Variants in GC observed in about 807,000 individuals in gnomAD.
The protein encoded by GC is GC vitamin D binding protein.
In GC, 43 loss-of-function variants were observed where a neutral mutation model predicts 56.7. The ratio of observed to expected loss-of-function variants is 0.76; its 90% confidence interval spans 0.59 to 0.98. GC has a LOEUF of 0.98. Ranked by LOEUF, GC falls within the 50% of genes least tolerant of loss-of-function variation. GC has a pLI of 0.00. For missense variants in GC, 529 were observed against 545.9 expected (o/e 0.97, Z 0.31); for synonymous variants, 216 against 202.7 (o/e 1.07, Z -0.56).
At chr4:71,750,905 A>C (rs1464383127) in intron 11 of GC, among the ~76,000 whole-genome samples, 6 of 152,198 alleles carry the variant, frequency 3.9e-5, no homozygotes, top group African/African-American at 1.2e-4. Flanking sequence ...ACAAACAAAA[A>C]AAAAACGGGT....
rs747885267 is a variant in GC, at chr4:71,756,791, G to C, written c.955C>G (p.Gln319Glu). The C allele has an allele frequency of 3.7e-6, 6 of 1,613,602 alleles. No individual in the cohort carries two copies. In the African/African-American group the frequency reaches 6.7e-5, roughly 18 times the overall value. ...TCTACATCTGGAAGCTCGGGGAGTT[G>C]GGCAGCTGGCATGAAGTAAGTGCAC... ...FVCTYFMPAAQLPELPDVELP... is the reference protein window; with the variant it reads ...FVCTYFMPAAELPELPDVELP... Residue 319 changes from glutamine to glutamate, a missense_variant, in exon 8 of 13, where the codon CAA becomes GAA. Transcript: ENST00000273951.
At chr4:71,769,190 G>T in intron 2 of GC, 141 bp downstream of exon 2, 1 of 610,920 alleles carries the variant, frequency 1.6e-6, no homozygotes, top group Non-Finnish European at 2.9e-6. Context: ...TGACTCCTGT[G>T]CCTACCTTGG....
At chr4:71,783,502 A>C (rs1384322445) in intron 1 of GC, among the ~76,000 whole-genome samples, 1 of 151,790 alleles carries the variant, frequency 6.6e-6, no homozygotes, top group African/African-American at 2.4e-5. Context: ...CATGTATAAG[A>C]TTCCTCTAAG....
chr4:71,802,686 G>A (rs372617251), intron 1 of GC, among the ~76,000 whole-genome samples: 196 of 152,280 alleles, frequency 1.3e-3, no homozygotes, highest in African/African-American at 4.4e-3. Flanking sequence ...ATATCTGAGA[G>A]TTTAATTTGT....
intron 1 of GC, among the ~76,000 whole-genome samples, chr4:71,770,386 T>C (rs1488075600): frequency 6.6e-6 from 1 of 152,012 alleles, no homozygotes; most frequent in African/African-American, 2.4e-5. Context: ...TGTGTGGAGG[T>C]AGACAATTTG....
At chr4:71,801,563 T>C (rs1288576788) in intron 1 of GC, among the ~76,000 whole-genome samples, 1 of 152,104 alleles carries the variant, frequency 6.6e-6, no homozygotes, top group Non-Finnish European at 1.5e-5. Flanking sequence ...CACAGAAATC[T>C]CAAACTTATA....
chr4:71,754,022 T>A (rs1333198500), intron 10 of GC, among the ~76,000 whole-genome samples: 2 of 152,224 alleles, frequency 1.3e-5, no homozygotes, highest in African/African-American at 2.4e-5. Context: ...CAGAAAAACT[T>A]AGCTTCTTCT....
chr4:71,752,440 G>A, intron 11 of GC, 78 bp downstream of exon 11: 1 of 1,180,864 alleles, frequency 8.5e-7, no homozygotes, highest in South Asian at 1.4e-5. Context: ...CTCAATAACA[G>A]GAAAGAAATG....
intron 1 of GC, among the ~76,000 whole-genome samples, chr4:71,794,756 T>C (rs1438490335): frequency 1.3e-5 from 2 of 152,214 alleles, no homozygotes; most frequent in African/African-American, 2.4e-5. Flanking sequence ...TATTAGGGTG[T>C]TGATTTTTTA....
Position 71,767,869 on chromosome 4 carries a change from C to A in GC, c.261+432G>T, listed in dbSNP as rs184559625. 6.6e-3 allele frequency among the ~76,000 whole-genome samples: 1,003 copies of A among 152,014 alleles called. 16 individuals carry two copies. Among genetic ancestry groups the A allele is most frequent in the African/African-American group, 0.023 (961 of 41,486 alleles). ...TTATATCCTTCTTATGCCTTTAAAT[C>A]CTCATAGCTTAGCTCCCACTTATAA... On this transcript the variant is annotated intron_variant, in intron 3 of 12. Transcript: ENST00000273951.
intron 1 of GC, among the ~76,000 whole-genome samples, chr4:71,799,496 G>A (rs564894798): frequency 6.6e-6 from 1 of 152,274 alleles, no homozygotes; most frequent in South Asian, 2.1e-4. Flanking sequence ...GCATGACACT[G>A]CTGAGATTAT....
chr4:71,772,518 G>A (rs746074629), intron 1 of GC, among the ~76,000 whole-genome samples: 3 of 152,160 alleles, frequency 2.0e-5, no homozygotes, highest in Non-Finnish European at 4.4e-5. Context: ...TGAAGGTAGT[G>A]TAACTGGGCA....
chr4:71,753,480 G>C (rs1281910966), intron 10 of GC, among the ~76,000 whole-genome samples: 4 of 138,714 alleles, frequency 2.9e-5, no homozygotes, highest in African/African-American at 1.2e-4. Flanking sequence ...AGACTCAAAG[G>C]AGGCAAAAAA....
intron 6 of GC, among the ~76,000 whole-genome samples, chr4:71,760,210 ATT>A (rs371580776): frequency 2.1e-5 from 3 of 140,632 alleles, no homozygotes; most frequent in African/African-American, 2.6e-5. Flanking sequence ...TGCCTGGCTA[ATT>A]TTTTTTTTTT....
chr4:71,746,418 G>T (rs1047942752), intron 11 of GC, among the ~76,000 whole-genome samples: 13 of 151,670 alleles, frequency 8.6e-5, no homozygotes, highest in Non-Finnish European at 1.8e-4. Flanking sequence ...AGTCTGCTGG[G>T]AAAAGTAGAC....
intron 3 of GC, among the ~76,000 whole-genome samples, chr4:71,767,950 G>A (rs1413227816): frequency 2.6e-5 from 4 of 152,010 alleles, no homozygotes; most frequent in Non-Finnish European, 5.9e-5. Context: ...TTAGAATAAT[G>A]ATCCATGGGC....
At position 71,752,586 on chromosome 4, in the gene GC, T is replaced by C. The variant is rs1203617672; in HGVS notation, c.1327A>G (p.Asn443Asp). The C allele has an allele frequency of 2.5e-6, 4 of 1,613,258 alleles. No individual in the cohort carries two copies. Among genetic ancestry groups the C allele is most frequent in the Non-Finnish European group, 2.5e-6 (3 of 1,179,312 alleles). ...ATPTELAKLV[N>D]KHSDFASNCC... The stretch of plus-strand genomic sequence containing the variant: ...TTGGAGGCAAAGTCTGAGTGCTTGT[T>C]AACCAGCTTTGCCAGTTCCGTGGGT... Residue 443 changes from asparagine (N) to aspartate (D), a missense_variant, in exon 11 of 13, where the codon AAC becomes GAC. Physicochemically the swap from Asn to Asp is conservative, Grantham distance 23 (BLOSUM62 1). Coordinates refer to ENST00000273951, the MANE Select transcript of GC (RefSeq NM_000583.4).
upstream of GC, among the ~76,000 whole-genome samples, chr4:71,784,755 AAGTT>A (rs1382198365): frequency 6.6e-6 from 1 of 151,728 alleles, no homozygotes; most frequent in African/African-American, 2.4e-5. Context: ...CAATCATAAA[AAGTT>A]AGTGGCAAAT....
chr4:71,753,253 G>A (rs1741612999), intron 10 of GC, among the ~76,000 whole-genome samples: 1 of 152,028 alleles, frequency 6.6e-6, no homozygotes, highest in Admixed American at 6.6e-5. Flanking sequence ...CCACTCCCAT[G>A]AACAACTCAG....
Sources: gnomAD v4.1 joint callset for allele counts (sites outside exome capture counted in the v4.1 genomes callset) on GRCh38, gnomAD v4.1.1 for gene constraint, MANE v1.5 for transcripts, NCBI Gene and HGNC (gene_info 2026-07-23, HGNC 2026-07-21) for gene names.